The following STARD7 variants were observed in gnomAD, a reference collection of about 807,000 sequenced individuals.
The protein encoded by STARD7 is stAR-related lipid transfer protein 7, mitochondrial.
A neutral mutation model predicts 45.3 loss-of-function variants in STARD7; 30 were observed. The ratio of observed to expected loss-of-function variants is 0.66; its 90% CI spans 0.50 to 0.90. The LOEUF is 0.90. Among genes scored for constraint, STARD7 ranks in the 40% least tolerant of loss-of-function variants. The pLI is 0.00. For synonymous variants in STARD7, 199 were observed against 183.0 expected (o/e 1.09, Z -0.70); for missense variants, 495 against 491.3 (o/e 1.01, Z -0.07).
intron 1 of STARD7, among the ~76,000 whole-genome samples, chr2:96,199,037 A>G (rs1391469642): frequency 1.3e-5 from 2 of 152,208 alleles, no homozygotes; most frequent in African/African-American, 4.8e-5. Flanking sequence ...AACAATCTAG[A>G]TGTCTATCCT....
intron 6 of STARD7, among the ~76,000 whole-genome samples, chr2:96,190,361 A>AGTC (rs981110844): frequency 1.4e-5 from 2 of 142,774 alleles, no homozygotes; most frequent in African/African-American, 5.2e-5. Flanking sequence ...TTTTGAGACG[A>AGTC]GTCTCACTGT....
intron 6 of STARD7, among the ~76,000 whole-genome samples, chr2:96,188,507 T>C (rs1435438109): frequency 4.0e-5 from 6 of 151,064 alleles, no homozygotes; most frequent in Non-Finnish European, 8.9e-5. Context: ...ACTCCCGACC[T>C]CAAGTGATCC....
chr2:96,192,764 A>C (rs1683144382), intron 5 of STARD7, among the ~76,000 whole-genome samples: 2 of 152,242 alleles, frequency 1.3e-5, no homozygotes, highest in Non-Finnish European at 1.5e-5. Context: ...TACAACAAAC[A>C]AATGAATTAA....
chr2:96,206,529 G>A (rs1351670523), intron 1 of STARD7, among the ~76,000 whole-genome samples: 3 of 151,706 alleles, frequency 2.0e-5, no homozygotes, highest in Middle Eastern at 3.4e-3. Context: ...GGCCGGGCGC[G>A]GTGGCTCACG....
intron 1 of STARD7, among the ~76,000 whole-genome samples, chr2:96,196,113 C>CAAAA (rs113641896): frequency 2.4e-5 from 2 of 83,384 alleles, no homozygotes; most frequent in African/African-American, 4.8e-5. Flanking sequence ...ACTCTTGTCT[C>CAAAA]AAAAAAAAAA....
At chr2:96,207,944 T>C (rs1683424403) in intron 1 of STARD7, among the ~76,000 whole-genome samples, 1 of 152,146 alleles carries the variant, frequency 6.6e-6, no homozygotes, top group African/African-American at 2.4e-5. Context: ...CTACACACTT[T>C]CAGTTCTATT....
Position 96,187,239 on chromosome 2 carries a change from A to ACAGTAGC in STARD7, c.899_905dup (p.Cys302TrpfsTer5). 1 of 1,613,418 alleles carries ACAGTAGC rather than the reference A, an allele frequency of 6.2e-7. No homozygotes were observed. Among genetic ancestry groups the ACAGTAGC allele is most frequent in the Non-Finnish European group, 8.5e-7 (1 of 1,179,388 alleles). On this transcript the variant is annotated frameshift_variant, in exon 7 of 8. Transcript: ENST00000337288. LOFTEE classifies it high-confidence loss of function. ...TACCACTGGAAACCATCCAACTAAC[A>ACAGTAGC]CAGTAGCGAGGAAACACCGTTTGGG...
chr2:96,193,673 A>T (rs1683161020), intron 3 of STARD7, among the ~76,000 whole-genome samples: 1 of 152,274 alleles, frequency 6.6e-6, no homozygotes, highest in Non-Finnish European at 1.5e-5. Context: ...GGGTAAGACA[A>T]TTCTAAAAAG....
chr2:96,198,624 T>G (rs1434063092), intron 1 of STARD7, among the ~76,000 whole-genome samples: 8 of 152,218 alleles, frequency 5.3e-5, no homozygotes, highest in Non-Finnish European at 1.2e-4. Context: ...GCGTCTTGAC[T>G]GGTATTTCCC....
rs533954441 is a variant in STARD7, at chr2:96,186,746, C to T, written c.1097G>A (p.Arg366Gln). The part of the protein sequence containing the change: ...RKNEGSCGPA[R>Q]IEYA Reference sequence around the variant, plus strand: ...CAAAGCCTGTCAAGCATACTCAATCCGAGCAGGGCCACAGCTGCCCTCGTT... The same window carrying T: ...CAAAGCCTGTCAAGCATACTCAATCTGAGCAGGGCCACAGCTGCCCTCGTT... The change falls in exon 8 of 8, where the codon CGG becomes CAG. Residue 366 changes from arginine (R) to glutamine (Q), a missense_variant. Around this residue, in one of 2 missense-constraint regions of STARD7, gnomAD observed 213 missense variants for 271.2 expected, o/e 0.79. Transcript: ENST00000337288. 4.3e-6 allele frequency: 7 copies of T among 1,610,036 alleles called. No homozygotes were observed. The Admixed American group carries it at 5.0e-5, about 12-fold the overall frequency.
intron 6 of STARD7, among the ~76,000 whole-genome samples, chr2:96,189,895 A>G (rs1017223645): frequency 1.1e-4 from 16 of 152,166 alleles, no homozygotes; most frequent in African/African-American, 3.9e-4. Flanking sequence ...AGGGAAAGAC[A>G]AAAGATAGAA....
intron 6 of STARD7, among the ~76,000 whole-genome samples, chr2:96,190,191 G>A (rs1683103771): frequency 6.6e-6 from 1 of 152,146 alleles, no homozygotes; most frequent in African/African-American, 2.4e-5. Context: ...ACAACATCTT[G>A]TAACACCAGA....
At chr2:96,188,494 C>T (rs1467302257) in intron 6 of STARD7, among the ~76,000 whole-genome samples, 6 of 150,936 alleles carry the variant, frequency 4.0e-5, no homozygotes, top group African/African-American at 1.5e-4. Flanking sequence ...AGGCTGGTCT[C>T]GAACTCCCGA....
At chr2:96,192,285 C>G in intron 6 of STARD7, 84 bp downstream of exon 6, 1 of 1,071,084 alleles carries the variant, frequency 9.3e-7, no homozygotes, top group Admixed American at 1.7e-5. Context: ...GCGCCACACC[C>G]CCTCCTCCCT....
At position 96,185,129 on chromosome 2, in the gene STARD7, G is replaced by A. The variant is rs1190771443; in HGVS notation, c.*1601C>T. The stretch of plus-strand genomic sequence containing the variant: ...CCAACAATTGCAGGTGCTAAGTTTG[G>A]ACATAACCCAGGGACTCTTCCCTGA... On this transcript the variant is annotated 3_prime_UTR_variant, in exon 8 of 8. Coordinates refer to ENST00000337288, the MANE Select transcript of STARD7 (RefSeq NM_020151.4). The A allele has an allele frequency of 1.3e-5, 2 of 152,538 alleles. No individual in the cohort carries two copies. Among genetic ancestry groups the A allele is most frequent in the Non-Finnish European group, 2.9e-5 (2 of 68,058 alleles). The allele number at this position is 152,538 out of a possible 1,614,324, so 9.4% of individuals were successfully genotyped here. A position where few individuals can be genotyped will look rare whatever the true frequency, so the allele number is the denominator to read the frequency against.
chr2:96,189,787 G>A (rs559858127), intron 6 of STARD7, among the ~76,000 whole-genome samples: 7 of 151,442 alleles, frequency 4.6e-5, no homozygotes, highest in East Asian at 3.9e-4. Context: ...TTTATTCTTC[G>A]TATTATTGGT....
At chr2:96,195,933 T>C (rs1423659704) in intron 1 of STARD7, among the ~76,000 whole-genome samples, 2 of 151,632 alleles carry the variant, frequency 1.3e-5, no homozygotes, top group East Asian at 3.9e-4. Flanking sequence ...ATCAACATGG[T>C]GAAACCCTGT....
Position 96,208,275 on chromosome 2 carries a change from G to A in STARD7, c.160C>T (p.Arg54Cys). Residue 54 changes from arginine (R) to cysteine (C), a missense_variant, in exon 1 of 8, where the codon CGC becomes TGC. By Grantham distance (180) the Arg-to-Cys change is radical. Around this residue, in one of 2 missense-constraint regions of STARD7, gnomAD observed 282 missense variants for 220.1 expected, o/e 1.28. Transcript: ENST00000337288. ...LYGRLYSESS[R>C]RVLLGRLWRR... is the part of the protein sequence containing the mutation. ...CAGAGGCGGCCGAGGAGAACGCGGC[G>A]TGAGCTCTCGGAGTAGAGGCGGCCG... The A allele has an allele frequency of 1.9e-6, 3 of 1,611,438 alleles. No individual in the cohort carries two copies. Among genetic ancestry groups the A allele is most frequent in the Non-Finnish European group, 2.5e-6 (3 of 1,179,354 alleles).
At chr2:96,201,955 A>G (rs1386443925) in intron 1 of STARD7, among the ~76,000 whole-genome samples, 1 of 152,066 alleles carries the variant, frequency 6.6e-6, no homozygotes, top group East Asian at 1.9e-4. Context: ...GTGTGATCTT[A>G]TTTTATTTTA....
Sources: gnomAD v4.1 joint callset for allele counts (sites outside exome capture counted in the v4.1 genomes callset) on GRCh38, gnomAD v4.1.1 for gene constraint, gnomAD v4.1.1 regional missense constraint, MANE v1.5 for transcripts, NCBI Gene and HGNC (gene_info 2026-07-23, HGNC 2026-07-21) for gene names.